The following CD99L2 variants were observed in gnomAD, a reference collection of about 807,000 sequenced individuals.
CD99L2 encodes CD99 molecule like 2, also known as CD99 antigen-like protein 2.
A neutral mutation model predicts 27.3 loss-of-function variants in CD99L2; 24 were observed. The ratio of observed to expected loss-of-function variants is 0.88; its 90% CI spans 0.64 to 1.24. The LOEUF (loss-of-function observed/expected upper bound fraction) is 1.24, where lower values mean the gene tolerates loss of function less well. CD99L2 is among the 50% of genes most tolerant of loss of function. The pLI is 0.00. For synonymous variants in CD99L2, 97 were observed against 87.9 expected (o/e 1.10, Z -0.58); for missense variants, 255 against 221.6 (o/e 1.15, Z -0.96).
chrX:150,793,523 C>A (rs1009503876), intron 7 of CD99L2, among the ~76,000 whole-genome samples, 168 bp downstream of exon 7: 1 of 112,224 alleles, frequency 8.9e-6, no homozygotes, highest in African/African-American at 3.2e-5. Context: ...GCTTATAAAT[C>A]CCCCCCTTGA....
intron 2 of CD99L2, chrX:150,829,600 G>C (rs1557421010): frequency 6.6e-6 from 2 of 302,384 alleles, no homozygotes; most frequent in South Asian, 6.1e-5. Flanking sequence ...ACATTCCTAA[G>C]GCAGCTGGAA....
intron 8 of CD99L2, 27 bp downstream of exon 8, chrX:150,777,417 C>A: frequency 1.7e-6 from 2 of 1,210,126 alleles, no homozygotes; most frequent in South Asian, 1.8e-5. Flanking sequence ...ACATGGCCAA[C>A]AGGAGCCTCA....
intron 1 of CD99L2, among the ~76,000 whole-genome samples, chrX:150,894,732 C>A (rs187231332): frequency 5.2e-4 from 57 of 110,531 alleles, no homozygotes; most frequent in African/African-American, 1.8e-3. Flanking sequence ...GGACTACAGG[C>A]GCATGCCACC....
At chrX:150,821,007 T>TA (rs1300704600) in intron 2 of CD99L2, among the ~76,000 whole-genome samples, 1 of 112,085 alleles carries the variant, frequency 8.9e-6, no homozygotes, top group African/African-American at 3.2e-5. Context: ...AACACACTGT[T>TA]AAAAAATTAA....
intron 1 of CD99L2, among the ~76,000 whole-genome samples, chrX:150,835,980 C>T (rs1557421184): frequency 2.7e-5 from 3 of 111,292 alleles, no homozygotes. Context: ...AGTACCCCAC[C>T]TAGACTAGAG....
chrX:150,792,798 C>G (rs2045713692), intron 7 of CD99L2, among the ~76,000 whole-genome samples: 1 of 112,367 alleles, frequency 8.9e-6, no homozygotes, highest in African/African-American at 3.2e-5. Flanking sequence ...GTTACAACCA[C>G]AAGTTACAAT....
intron 7 of CD99L2, among the ~76,000 whole-genome samples, chrX:150,792,473 G>A (rs1485157415): frequency 8.9e-6 from 1 of 112,097 alleles, no homozygotes; most frequent in Non-Finnish European, 1.9e-5. Context: ...GTGCTTTTTA[G>A]TAGAGATGAC....
chrX:150,849,979 C>T (rs181585805), intron 1 of CD99L2, among the ~76,000 whole-genome samples: 6 of 111,737 alleles, frequency 5.4e-5, no homozygotes, highest in Non-Finnish European at 7.5e-5. Flanking sequence ...TTTAATACTA[C>T]GCAAAATAAA....
intron 1 of CD99L2, among the ~76,000 whole-genome samples, chrX:150,870,087 C>A (rs142220165): frequency 0.098 from 10,929 of 111,442 alleles, 505 homozygotes; most frequent in Middle Eastern, 0.18. Flanking sequence ...TAAAGAACAG[C>A]CTGCCAGGAA....
intron 4 of CD99L2, among the ~76,000 whole-genome samples, chrX:150,801,250 T>C (rs1198791677): frequency 3.6e-5 from 4 of 111,613 alleles, no homozygotes; most frequent in Non-Finnish European, 7.5e-5. Flanking sequence ...TAGTTCGTTT[T>C]CACACTGATA....
chrX:150,804,251 G>C (rs1007063359), intron 4 of CD99L2, among the ~76,000 whole-genome samples: 26 of 112,437 alleles, frequency 2.3e-4, no homozygotes, highest in African/African-American at 4.8e-4. Flanking sequence ...AGTTTGAACA[G>C]AGAATTGGAA....
intron 4 of CD99L2, among the ~76,000 whole-genome samples, chrX:150,808,368 G>A (rs2046025974): frequency 8.9e-6 from 1 of 112,360 alleles, no homozygotes; most frequent in Non-Finnish European, 1.9e-5. Flanking sequence ...GCACTGTGGT[G>A]CAAAACCAAC....
chrX:150,796,627 T>C, intron 4 of CD99L2, among the ~76,000 whole-genome samples: 2 of 111,808 alleles, frequency 1.8e-5, no homozygotes, highest in Middle Eastern at 4.7e-3. Flanking sequence ...ATTGAAGGAG[T>C]GAACAATAAT....
At chrX:150,778,468 G>C (rs1300174763) in intron 7 of CD99L2, among the ~76,000 whole-genome samples, 2 of 102,993 alleles carry the variant, frequency 1.9e-5, no homozygotes, top group Admixed American at 2.1e-4. Flanking sequence ...GCAGGGTGGG[G>C]GGGTATTGAT....
chrX:150,824,640 GAGAAGA>G (rs369112631), intron 2 of CD99L2, among the ~76,000 whole-genome samples: 15 of 64,717 alleles, frequency 2.3e-4, no homozygotes, highest in Middle Eastern at 0.011. Flanking sequence ...GAAGAAGGAG[GAGAAGA>G]AGAAGAAGAA....
At chrX:150,793,005 A>G (rs981802051) in intron 7 of CD99L2, among the ~76,000 whole-genome samples, 2 of 110,913 alleles carry the variant, frequency 1.8e-5, no homozygotes, top group Non-Finnish European at 3.8e-5. Flanking sequence ...TAATTATGGT[A>G]ATGGTTACTC....
intron 7 of CD99L2, among the ~76,000 whole-genome samples, chrX:150,786,701 T>C (rs1450485903): frequency 8.9e-6 from 1 of 112,161 alleles, no homozygotes; most frequent in Non-Finnish European, 1.9e-5. Context: ...TGTGTCTTTA[T>C]GATAGAGCAA....
At position 150,775,333 on chromosome X, in the gene CD99L2, C is replaced by T. The variant is rs1196435230; in HGVS notation, c.655+841G>A. Among the ~76,000 whole-genome samples the T allele has an allele frequency of 3.6e-5, 4 of 112,176 alleles. No homozygotes were observed. The East Asian group carries it at 1.1e-3, about 32-fold the overall frequency. On this transcript the variant is annotated intron_variant, in intron 9 of 10. Coordinates refer to ENST00000370377, the MANE Select transcript of CD99L2 (RefSeq NM_031462.4). Reference sequence around the variant, plus strand: ...TGAACTGAAAATTGCCAGCCTTGAACTGGAGACACGCTCCACTCAGCAAAC... The same window carrying T: ...TGAACTGAAAATTGCCAGCCTTGAATTGGAGACACGCTCCACTCAGCAAAC...
intron 6 of CD99L2, among the ~76,000 whole-genome samples, 168 bp downstream of exon 6, chrX:150,795,038 T>C (rs781793555): frequency 8.9e-6 from 1 of 112,450 alleles, no homozygotes; most frequent in East Asian, 2.8e-4. Flanking sequence ...AAAATCTCTC[T>C]TGAGATCTCA....
Sources: allele counts gnomAD v4.1 joint callset (sites outside exome capture counted in the v4.1 genomes callset), GRCh38; gene constraint gnomAD v4.1.1; transcripts MANE v1.5; gene names NCBI Gene and HGNC (gene_info 2026-07-23, HGNC 2026-07-21).